The following MYOZ1 variants were observed in gnomAD, a reference collection of about 807,000 sequenced individuals.
MYOZ1 encodes myozenin-1.
Under a neutral mutation model 28.7 loss-of-function variants are expected in MYOZ1, and 20 were observed. That is an observed-to-expected ratio of 0.70 (90% CI 0.49 to 1.01). MYOZ1 has a LOEUF of 1.01. Among genes scored for constraint, MYOZ1 ranks in the 50% least tolerant of loss-of-function variants. MYOZ1 has a pLI of 0.00. For missense variants in MYOZ1, 371 were observed against 372.4 expected (o/e 1.00, Z 0.03); for synonymous variants, 144 against 145.8 (o/e 0.99, Z 0.09).
chr10:73,637,266 C>T (rs1024350827), intron 3 of MYOZ1, among the ~76,000 whole-genome samples: 1 of 151,664 alleles, frequency 6.6e-6, no homozygotes. Context: ...CCACCTGCCT[C>T]GGCCTCCCAA....
intron 5 of MYOZ1, 92 bp from the exon 6 acceptor site, chr10:73,632,253 C>G (rs548763381): frequency 7.7e-6 from 9 of 1,165,858 alleles, no homozygotes; most frequent in Non-Finnish European, 1.1e-5. Context: ...ATAGGGAAGT[C>G]TGTGAATTCT....
chr10:73,632,305 C>A (rs1297662218), intron 5 of MYOZ1, 144 bp from the exon 6 acceptor site: 7 of 742,898 alleles, frequency 9.4e-6, no homozygotes, highest in Non-Finnish European at 1.5e-5. Flanking sequence ...TCCTTAGCAT[C>A]CCATTTTGCC....
rs112064090 is a variant in MYOZ1 at position 73,640,037 on chromosome 10, T to C, written c.-18-2A>G. 1 of 1,612,504 alleles carries C rather than the reference T, an allele frequency of 6.2e-7. No individual in the cohort carries two copies. The highest frequency in any genetic ancestry group is 8.5e-7 in the Non-Finnish European group (1 of 1,179,112). ...CGGCATTGTGGAGGTGGATTCAGCC[T>C]GGACAGGGTGGGAAGGAGGAGTTGG... On this transcript the variant is annotated splice_acceptor_variant, in intron 1 of 5. Transcript: ENST00000359322. LOFTEE classifies it low-confidence loss of function (5UTR_SPLICE).
chr10:73,634,340 A>C, intron 4 of MYOZ1, 144 bp downstream of exon 4: 1 of 1,042,290 alleles, frequency 9.6e-7, no homozygotes, highest in Non-Finnish European at 1.3e-6. Context: ...CAAGATATTT[A>C]TGATATTTAA....
In MYOZ1 at chr10:73,634,000, G is replaced by A. The variant is rs763242972; in HGVS notation, c.568C>T (p.Arg190Ter). ...TGCTGGGGGTCAACCCCCATGGCTCGCTCCCATGGGGAAATATAGGTCTTG... is the reference window on the plus strand; with the variant it reads ...TGCTGGGGGTCAACCCCCATGGCTCACTCCCATGGGGAAATATAGGTCTTG... ...VFKTYISPWE[R>*]AMGVDPQQKM... is the part of the protein sequence containing the mutation. The change falls in exon 5 of 6, where the codon CGA (arginine) becomes TGA (stop). Residue 190 changes from arginine (R) to a stop codon, truncating the protein, a stop_gained. Coordinates refer to ENST00000359322, the MANE Select transcript of MYOZ1 (RefSeq NM_021245.4). LOFTEE classifies it high-confidence loss of function. 1.7e-5 allele frequency: 27 copies of A among 1,613,826 alleles called. 1 individual carries two copies. The highest frequency in any genetic ancestry group is 1.7e-4 in the Admixed American group (10 of 59,978).
chr10:73,640,567 T>C (rs1419337963), intron 1 of MYOZ1, among the ~76,000 whole-genome samples: 2 of 152,172 alleles, frequency 1.3e-5, no homozygotes. Context: ...TACCAACCTG[T>C]TGTGAGCTGT....
At chr10:73,634,994 G>A (rs541940812) in intron 3 of MYOZ1, among the ~76,000 whole-genome samples, 9 of 152,114 alleles carry the variant, frequency 5.9e-5, no homozygotes, top group African/African-American at 4.8e-5. Flanking sequence ...GCACGATCTC[G>A]GCTCACCGCA....
chr10:73,637,785 T>C lies in MYOZ1; in HGVS notation c.211A>G (p.Ile71Val). The C allele has an allele frequency of 6.2e-7, 1 of 1,614,074 alleles. No homozygotes were observed. Among genetic ancestry groups the C allele is most frequent in the African/African-American group, 1.3e-5 (1 of 75,006 alleles). Reference sequence around the variant, plus strand: ...AAAACATCAGGGTGGTTCTCATAAATAAACTTCTCCACCCTCATCTGCCGC... The same window carrying C: ...AAAACATCAGGGTGGTTCTCATAAACAAACTTCTCCACCCTCATCTGCCGC... ...KLRQMRVEKF[I>V]YENHPDVFSD... is the part of the protein sequence containing the mutation. Residue 71 changes from isoleucine (I) to valine (V), a missense_variant, in exon 3 of 6, where the codon ATT (isoleucine) becomes GTT (valine). Physicochemically the swap from Ile to Val is conservative, Grantham distance 29. Transcript: ENST00000359322.
Position 73,634,039 on chromosome 10 carries a change from G to A in MYOZ1, c.529C>T (p.His177Tyr). Residue 177 changes from histidine to tyrosine, a missense_variant, in exon 5 of 6, where the codon CAT (histidine) becomes TAT (tyrosine). By Grantham distance (83) the His-to-Tyr change is moderately conservative. Transcript: ENST00000359322. ...ATATAGGTCTTGAACACAGTGATAT[G>A]TTTTCCTTCTCCGCCTGCCTGGTCT... is the stretch of plus-strand genomic sequence containing the variant. ...SGDQAGGEGKHITVFKTYISP... is the reference protein window; with the variant it reads ...SGDQAGGEGKYITVFKTYISP... 3 of 1,613,880 alleles carry A rather than the reference G, an allele frequency of 1.9e-6. No homozygotes were observed. The highest frequency in any genetic ancestry group is 2.5e-6 in the Non-Finnish European group (3 of 1,179,930).
rs779906026 is a variant in MYOZ1 at position 73,634,542 on chromosome 10, C to T, written c.444G>A (p.Ala148=). ...GSGAGGTGGP[A]GQAGRGGAAG... Reference sequence around the variant, plus strand: ...CAGCTCCTCCTCTGCCAGCCTGGCCCGCGGGACCACCTGTACCCCCAGCTC... The same window carrying T: ...CAGCTCCTCCTCTGCCAGCCTGGCCTGCGGGACCACCTGTACCCCCAGCTC... Residue 148 remains alanine, a synonymous_variant, in exon 4 of 6, where the codon GCG becomes GCA. Transcript: ENST00000359322. 41 of 1,614,006 alleles carry T rather than the reference C, an allele frequency of 2.5e-5. No individual in the cohort carries two copies. In the East Asian group the frequency reaches 3.6e-4, roughly 14 times the overall value.
intron 4 of MYOZ1, 93 bp downstream of exon 4, chr10:73,634,391 C>T (rs991987808): frequency 1.2e-5 from 17 of 1,455,194 alleles, no homozygotes; most frequent in Admixed American, 4.5e-5. Context: ...TTTAAACTGA[C>T]CTCCTCTGCT....
intron 2 of MYOZ1, 67 bp from the exon 3 acceptor site, chr10:73,637,989 C>T: frequency 6.9e-7 from 1 of 1,444,220 alleles, no homozygotes; most frequent in South Asian, 1.3e-5. Flanking sequence ...GCTCAGAATG[C>T]AGACCTCATC....
rs376703108 is a variant in MYOZ1 at position 73,632,159 on chromosome 10, G to A, written c.671C>T (p.Thr224Met). The change falls in exon 6 of 6, where the codon ACG becomes ATG. Residue 224 changes from threonine (T) to methionine (M), a missense_variant and splice_region_variant. Coordinates refer to ENST00000359322, the MANE Select transcript of MYOZ1 (RefSeq NM_021245.4). ...ELPKYKSFNR[T>M]AMPYGGYEKA... is the part of the protein sequence containing the mutation. ...CTCATATCCACCATAGGGCATTGCC[G>A]TCCTGAGAAGGGGACACATTATTTA... is the stretch of plus-strand genomic sequence containing the variant. The A allele has an allele frequency of 4.2e-5, 68 of 1,612,970 alleles. No homozygotes were observed. Among genetic ancestry groups the A allele is most frequent in the Non-Finnish European group, 5.3e-5 (62 of 1,179,060 alleles).
chr10:73,634,117 A>G (rs1372464418), intron 4 of MYOZ1, 52 bp from the exon 5 acceptor site: 17 of 1,605,438 alleles, frequency 1.1e-5, no homozygotes, highest in Admixed American at 3.4e-5. Context: ...TTAGTAGCCA[A>G]TGAAAGGTAA....
At chr10:73,635,363 TA>T (rs757654301) in intron 3 of MYOZ1, among the ~76,000 whole-genome samples, 96 of 145,286 alleles carry the variant, frequency 6.6e-4, no homozygotes, top group East Asian at 2.4e-3. Context: ...TGCCCAGCTT[TA>T]AAAAAAAAAA....
intron 3 of MYOZ1, among the ~76,000 whole-genome samples, chr10:73,635,096 T>C (rs1297055449): frequency 2.6e-5 from 4 of 151,922 alleles, no homozygotes; most frequent in Non-Finnish European, 5.9e-5. Flanking sequence ...GCTAATTTGA[T>C]ATATTTTTAG....
Position 73,631,825 on chromosome 10 carries a change from TTCC to T in MYOZ1, c.*102_*104del. ...GGTAGATCTCTCCTTTTTCCCTCCA[TTCC>T]CATAAGGATACTGGATTAACAATGG... is the stretch of plus-strand genomic sequence containing the variant. On this transcript the variant is annotated 3_prime_UTR_variant, in exon 6 of 6. Coordinates refer to ENST00000359322, the MANE Select transcript of MYOZ1 (RefSeq NM_021245.4). 2 of 988,300 alleles carry T rather than the reference TTCC, an allele frequency of 2.0e-6. No homozygotes were observed. The highest frequency in any genetic ancestry group is 2.6e-5 in the East Asian group (1 of 38,626). The allele number at this position is 988,300 out of a possible 1,614,324, so 61.2% of individuals were successfully genotyped here.
intron 1 of MYOZ1, among the ~76,000 whole-genome samples, chr10:73,640,318 T>C (rs992222051): frequency 2.6e-5 from 4 of 151,992 alleles, no homozygotes; most frequent in Non-Finnish European, 4.4e-5. Context: ...CCTGGCTAAT[T>C]TTTGTATTTT....
intron 2 of MYOZ1, 70 bp downstream of exon 2, chr10:73,639,875 A>T: frequency 6.8e-7 from 1 of 1,479,418 alleles, no homozygotes; most frequent in Non-Finnish European, 9.4e-7. Context: ...TAAGATATAT[A>T]TTTCTGGGAC....
Sources: allele counts gnomAD v4.1 joint callset (sites outside exome capture counted in the v4.1 genomes callset), GRCh38; gene constraint gnomAD v4.1.1; transcripts MANE v1.5; gene names NCBI Gene and HGNC (gene_info 2026-07-23, HGNC 2026-07-21).